CCDC178: variants seen among roughly 807,000 people sequenced by gnomAD.
The protein encoded by CCDC178 is coiled-coil domain containing 178.
Under a neutral mutation model 117.4 loss-of-function variants are expected in CCDC178, and 126 were observed. The ratio of observed to expected loss-of-function variants is 1.07; its 90% CI spans 0.93 to 1.24. The LOEUF is 1.24. Among genes scored for constraint, CCDC178 ranks in the 50% most tolerant of loss-of-function variants. The pLI is 0.00. For synonymous variants in CCDC178, 283 were observed against 313.4 expected (o/e 0.90, Z 1.02); for missense variants, 1,030 against 986.9 (o/e 1.04, Z -0.59).
chr18:33,288,963 A>G (rs1228905811), intron 12 of CCDC178, among the ~76,000 whole-genome samples: 1 of 152,186 alleles, frequency 6.6e-6, no homozygotes, highest in African/African-American at 2.4e-5. Context: ...GGAGACAGAA[A>G]CAAGGGCAAA....
At chr18:33,263,791 A>G (rs987580067) in intron 14 of CCDC178, among the ~76,000 whole-genome samples, 1 of 152,154 alleles carries the variant, frequency 6.6e-6, no homozygotes, top group East Asian at 1.9e-4. Flanking sequence ...ATCCAAGGAC[A>G]CAAGTTGAAA....
intron 2 of CCDC178, among the ~76,000 whole-genome samples, chr18:33,431,126 T>C (rs1386827888): frequency 6.9e-6 from 1 of 145,568 alleles, no homozygotes; most frequent in Non-Finnish European, 1.5e-5. Context: ...ATGGCTCAGG[T>C]GATGATTCAC....
intron 21 of CCDC178, among the ~76,000 whole-genome samples, chr18:33,033,418 T>C (rs2056384325): frequency 6.6e-6 from 1 of 152,164 alleles, no homozygotes; most frequent in African/African-American, 2.4e-5. Flanking sequence ...GTTTTCGGGA[T>C]GAATCCAACA....
In CCDC178 at chr18:33,011,780, A is replaced by T. The variant is rs1212940349; in HGVS notation, c.2389-37099T>A. On this transcript the variant is annotated intron_variant, in intron 21 of 22. Coordinates refer to ENST00000383096, the MANE Select transcript of CCDC178 (RefSeq NM_001105528.4). ...TTGAGCAGAATGCAAAAAAAAAAAA[A>T]AAAAAAAAAAAAAAAAAAAAAAAAA... Among the ~76,000 whole-genome samples, 313 of 108,776 alleles carry T rather than the reference A, an allele frequency of 2.9e-3. 4 individuals are homozygous for T. Among genetic ancestry groups the T allele is most frequent in the African/African-American group, 0.012 (285 of 23,838 alleles). 71.4% of individuals were successfully genotyped at this position (108,776 alleles called of 152,430 possible). A position where few individuals can be genotyped will look rare whatever the true frequency, so the allele number is the denominator to read the frequency against.
chr18:33,353,505 G>T (rs2063007138), intron 7 of CCDC178, among the ~76,000 whole-genome samples: 1 of 151,768 alleles, frequency 6.6e-6, no homozygotes, highest in Non-Finnish European at 1.5e-5. Flanking sequence ...GTAACTAGTT[G>T]ATTTTTTTCT....
At chr18:32,984,871 C>A (rs1052617620) in intron 21 of CCDC178, among the ~76,000 whole-genome samples, 1 of 151,880 alleles carries the variant, frequency 6.6e-6, no homozygotes, top group South Asian at 2.1e-4. Context: ...GCTTGTCAGT[C>A]TTTTGCCCAA....
chr18:32,969,337 T>C (rs2054877983), intron 22 of CCDC178, among the ~76,000 whole-genome samples: 1 of 151,982 alleles, frequency 6.6e-6, no homozygotes, highest in Non-Finnish European at 1.5e-5. Context: ...GTCCATTTGC[T>C]TCCCCTCAAT....
chr18:33,020,445 T>C (rs981761633), intron 21 of CCDC178, among the ~76,000 whole-genome samples: 2 of 152,200 alleles, frequency 1.3e-5, no homozygotes, highest in Non-Finnish European at 2.9e-5. Flanking sequence ...ATCACTGTTT[T>C]TAATTTACTA....
rs143126314 is a variant in CCDC178 at position 33,203,971 on chromosome 18, T to C, written c.2238+7925A>G. 9.8e-5 allele frequency among the ~76,000 whole-genome samples: 15 copies of C among 152,314 alleles called. No homozygotes were observed. In the East Asian group the frequency reaches 2.7e-3, roughly 27 times the overall value. On this transcript the variant is annotated intron_variant, in intron 20 of 22. Transcript: ENST00000383096. ...ATGTAAGAGTTAGGGGAAGCTAACTTCTTGAACAAATAACCTCAAAATCCC... is the reference window on the plus strand; with the variant it reads ...ATGTAAGAGTTAGGGGAAGCTAACTCCTTGAACAAATAACCTCAAAATCCC...
intron 9 of CCDC178, among the ~76,000 whole-genome samples, chr18:33,334,188 T>C (rs896149383): frequency 2.0e-5 from 3 of 152,160 alleles, no homozygotes; most frequent in Non-Finnish European, 4.4e-5. Context: ...CTTACCTATA[T>C]ATAAATATGT....
intron 20 of CCDC178, 33 bp downstream of exon 20, chr18:33,211,858 ATTCCT>A (rs2059111837): frequency 1.3e-6 from 2 of 1,560,072 alleles, no homozygotes; most frequent in African/African-American, 2.8e-5. Flanking sequence ...CTATCACTAT[ATTCCT>A]TTCATTTTGA....
intron 2 of CCDC178, among the ~76,000 whole-genome samples, chr18:33,418,834 C>T (rs1049610886): frequency 3.3e-5 from 5 of 152,184 alleles, no homozygotes; most frequent in Non-Finnish European, 1.5e-5. Flanking sequence ...TGAAAGAAAT[C>T]ACAGATGACA....
At chr18:33,270,055 T>C (rs1007374000) in intron 12 of CCDC178, among the ~76,000 whole-genome samples, 4 of 151,702 alleles carry the variant, frequency 2.6e-5, no homozygotes, top group Admixed American at 2.0e-4. Flanking sequence ...AAAACTCAAA[T>C]ATAAATTTGA....
intron 20 of CCDC178, among the ~76,000 whole-genome samples, chr18:33,127,285 T>C (rs1001301598): frequency 2.6e-5 from 4 of 152,088 alleles, no homozygotes; most frequent in African/African-American, 7.2e-5. Context: ...ACACTACAAA[T>C]GGCAGCATAT....
At chr18:33,310,897 G>A (rs1290932671) in intron 11 of CCDC178, among the ~76,000 whole-genome samples, 1 of 152,136 alleles carries the variant, frequency 6.6e-6, no homozygotes, top group Non-Finnish European at 1.5e-5. Flanking sequence ...CTCTCAGGGA[G>A]TCAACCCAGA....
chr18:33,230,469 T>C (rs2059356930), intron 15 of CCDC178, among the ~76,000 whole-genome samples: 1 of 152,178 alleles, frequency 6.6e-6, no homozygotes, highest in Non-Finnish European at 1.5e-5. Context: ...CCTTGGCTGC[T>C]AGCACTTTGT....
chr18:33,375,760 T>A (rs973856603), intron 5 of CCDC178, among the ~76,000 whole-genome samples: 1 of 152,112 alleles, frequency 6.6e-6, no homozygotes, highest in Non-Finnish European at 1.5e-5. Flanking sequence ...GTACAGAGGA[T>A]CCTCAGAAAT....
intron 21 of CCDC178, among the ~76,000 whole-genome samples, chr18:33,076,483 TGA>T (rs1308105220): frequency 1.3e-5 from 2 of 152,240 alleles, no homozygotes; most frequent in African/African-American, 4.8e-5. Flanking sequence ...CTTTCAGAAA[TGA>T]GAGTTTCTAA....
At chr18:33,268,892 A>G (rs533803205) in intron 12 of CCDC178, among the ~76,000 whole-genome samples, 3 of 151,830 alleles carry the variant, frequency 2.0e-5, no homozygotes, top group Non-Finnish European at 4.4e-5. Flanking sequence ...ATTTAATAAA[A>G]ACAGTCTAAA....
Sources: allele counts gnomAD v4.1 joint callset (sites outside exome capture counted in the v4.1 genomes callset), GRCh38; gene constraint gnomAD v4.1.1; transcripts MANE v1.5; gene names NCBI Gene and HGNC (gene_info 2026-07-23, HGNC 2026-07-21).